PHF21A: variants seen among roughly 807,000 people sequenced by gnomAD.
The protein encoded by PHF21A is PHD finger protein 21A.
In PHF21A, 11 loss-of-function variants were observed where a neutral mutation model predicts 82.5. The ratio of observed to expected loss-of-function variants is 0.13; its 90% CI spans 0.08 to 0.22. The LOEUF is 0.22. Among genes scored for constraint, PHF21A ranks in the 10% least tolerant of loss-of-function variants. The pLI is 1.00. For missense variants in PHF21A, 579 were observed against 837.8 expected (o/e 0.69, Z 3.81); for synonymous variants, 297 against 302.8 (o/e 0.98, Z 0.20).
chr11:46,001,024 T>C (rs990967222), intron 6 of PHF21A, among the ~76,000 whole-genome samples: 3 of 152,146 alleles, frequency 2.0e-5, no homozygotes, highest in South Asian at 2.1e-4. Context: ...TCAAAACCTA[T>C]GTTAAAATAA....
intron 15 of PHF21A, among the ~76,000 whole-genome samples, chr11:45,942,258 G>T (rs747461992): frequency 2.1e-4 from 32 of 152,328 alleles, no homozygotes; most frequent in Non-Finnish European, 3.8e-4. Flanking sequence ...CTCTTAGTTT[G>T]TGAGTTGATG....
rs1162610736 is a variant in PHF21A, at chr11:45,931,460, C to T, written c.*2508G>A. ...CTGAATGAGAAAAGGGAACTCTTTC[C>T]CCCTCAGCCAATCAAGCAGCCAGGG... On this transcript the variant is annotated 3_prime_UTR_variant, in exon 19 of 19. Coordinates refer to ENST00000676320, the MANE Select transcript of PHF21A (RefSeq NM_001352027.3). 1 of 152,212 alleles carries T rather than the reference C, an allele frequency of 6.6e-6. No homozygotes were observed. The highest frequency in any genetic ancestry group is 1.5e-5 in the Non-Finnish European group (1 of 68,064). 9.4% of individuals were successfully genotyped at this position (152,212 alleles called of 1,614,324 possible). A position where few individuals can be genotyped will look rare whatever the true frequency, so the allele number is the denominator to read the frequency against.
At chr11:46,115,512 A>G (rs1022196322) in intron 1 of PHF21A, among the ~76,000 whole-genome samples, 2 of 152,210 alleles carry the variant, frequency 1.3e-5, no homozygotes, top group African/African-American at 4.8e-5. Flanking sequence ...CAATGTTAAC[A>G]TATTATCTCT....
chr11:46,025,158 T>C (rs1311753173), intron 6 of PHF21A, among the ~76,000 whole-genome samples: 3 of 151,586 alleles, frequency 2.0e-5, no homozygotes, highest in Non-Finnish European at 4.4e-5. Flanking sequence ...TGAAAGAAAA[T>C]AATTTTCTCT....
At chr11:45,986,638 C>T (rs916580548) in intron 6 of PHF21A, among the ~76,000 whole-genome samples, 1 of 152,190 alleles carries the variant, frequency 6.6e-6, no homozygotes, top group Admixed American at 6.5e-5. Flanking sequence ...AAGCACTAAA[C>T]TATACCGCCC....
At chr11:46,107,529 G>C (rs915051303) in intron 1 of PHF21A, among the ~76,000 whole-genome samples, 3 of 152,172 alleles carry the variant, frequency 2.0e-5, no homozygotes, top group African/African-American at 7.2e-5. Context: ...CATTCTACCA[G>C]GTCCAATTCT....
chr11:46,076,248 C>T (rs1463400399), intron 6 of PHF21A, among the ~76,000 whole-genome samples: 2 of 152,064 alleles, frequency 1.3e-5, no homozygotes, highest in African/African-American at 4.8e-5. Flanking sequence ...AACATTTCAC[C>T]GAAGTTTTTT....
intron 6 of PHF21A, among the ~76,000 whole-genome samples, chr11:45,980,489 C>T (rs1414120994): frequency 6.6e-6 from 1 of 152,174 alleles, no homozygotes; most frequent in Non-Finnish European, 1.5e-5. Context: ...GTGATTGGCA[C>T]ATTGTTGATC....
intron 10 of PHF21A, among the ~76,000 whole-genome samples, chr11:45,957,118 A>G (rs1476490402): frequency 2.6e-5 from 4 of 152,222 alleles, no homozygotes; most frequent in Non-Finnish European, 5.9e-5. Context: ...ACCAGACAAC[A>G]GAGCCCCAAA....
chr11:45,961,921 T>A (rs1038411795), intron 10 of PHF21A, among the ~76,000 whole-genome samples: 2 of 152,214 alleles, frequency 1.3e-5, no homozygotes, highest in African/African-American at 4.8e-5. Flanking sequence ...AGAGCCACAG[T>A]GTAACGTGGT....
At position 46,084,266 on chromosome 11, in the gene PHF21A, C is replaced by T. The variant is rs760337436; in HGVS notation, c.-47G>A. On this transcript the variant is annotated 5_prime_UTR_variant, in exon 4 of 19. Coordinates refer to ENST00000676320, the MANE Select transcript of PHF21A (RefSeq NM_001352027.3). Reference sequence around the variant, plus strand: ...CTGCTAATTCTATAGTTTCTTCAGCCTCTGTTTAAAGTAACAAACTCCTCT... The same window carrying T: ...CTGCTAATTCTATAGTTTCTTCAGCTTCTGTTTAAAGTAACAAACTCCTCT... 1 of 1,506,522 alleles carries T rather than the reference C, an allele frequency of 6.6e-7. No homozygotes were observed. The highest frequency in any genetic ancestry group is 1.9e-5 in the Admixed American group (1 of 52,248). The allele number at this position is 1,506,522 out of a possible 1,614,324, so 93.3% of individuals were successfully genotyped here. A position where few individuals can be genotyped will look rare whatever the true frequency, so the allele number is the denominator to read the frequency against.
intron 9 of PHF21A, among the ~76,000 whole-genome samples, chr11:45,966,899 G>A (rs562101166): frequency 1.2e-4 from 18 of 151,378 alleles, no homozygotes; most frequent in African/African-American, 4.1e-4. Context: ...TTACAGATGT[G>A]AGCCACTGCA....
chr11:46,061,339 T>C (rs1244649677), intron 6 of PHF21A, among the ~76,000 whole-genome samples: 1 of 152,208 alleles, frequency 6.6e-6, no homozygotes, highest in Non-Finnish European at 1.5e-5. Context: ...TCTCTAGTTC[T>C]GTGAAGAACC....
intron 1 of PHF21A, among the ~76,000 whole-genome samples, chr11:46,109,696 A>G (rs942466615): frequency 2.0e-5 from 3 of 152,170 alleles, no homozygotes; most frequent in African/African-American, 7.2e-5. Context: ...GAATTTGTCT[A>G]TTGGGCCAGG....
intron 7 of PHF21A, among the ~76,000 whole-genome samples, chr11:45,978,346 GTAATAA>G (rs3061877): frequency 1.3e-5 from 2 of 151,590 alleles, no homozygotes; most frequent in African/African-American, 2.4e-5. Context: ...AACAGAGATG[GTAATAA>G]TAATAACTTC....
chr11:45,935,682 C>T lies in PHF21A; in HGVS notation c.1742G>A (p.Arg581Gln), dbSNP rs765834713. The change falls in exon 18 of 19, where the codon CGA (arginine) becomes CAA (glutamine). Residue 581 changes from arginine (R) to glutamine (Q), a missense_variant. Physicochemically the swap from Arg to Gln is conservative, Grantham distance 43. Coordinates refer to ENST00000676320, the MANE Select transcript of PHF21A (RefSeq NM_001352027.3). ...TTTCACCTTTTGCTCTAGTTGTTCT[C>T]GTTCTTGTTTTAAATCTGAACTCCA... ...LKWSSDLKQE[R>Q]EQLEQKVKQL... The T allele has an allele frequency of 6.5e-6, 10 of 1,530,762 alleles. No homozygotes were observed. Among genetic ancestry groups the T allele is most frequent in the Admixed American group, 1.7e-5 (1 of 57,662 alleles). The allele number at this position is 1,530,762 out of a possible 1,614,324, so 94.8% of individuals were successfully genotyped here. A position where few individuals can be genotyped will look rare whatever the true frequency, so the allele number is the denominator to read the frequency against.
At chr11:45,971,076 T>C (rs1401845217) in intron 8 of PHF21A, 40 bp downstream of exon 8, 1 of 1,609,388 alleles carries the variant, frequency 6.2e-7, no homozygotes. Context: ...TATCCTAACC[T>C]TCTCATGTGA....
intron 15 of PHF21A, among the ~76,000 whole-genome samples, chr11:45,939,695 C>A (rs1326204698): frequency 6.9e-6 from 1 of 144,026 alleles, no homozygotes; most frequent in Non-Finnish European, 1.5e-5. Flanking sequence ...TCAGGTAAGT[C>A]TGCTGGAGCC....
At chr11:46,084,400 A>C (rs2096830702) in intron 3 of PHF21A, 98 bp from the exon 4 acceptor site, 2 of 458,828 alleles carry the variant, frequency 4.4e-6, no homozygotes, top group African/African-American at 4.1e-5. Flanking sequence ...CTGATTCTCT[A>C]ACGCAGGGCA....
Sources: gnomAD v4.1 joint callset for allele counts (sites outside exome capture counted in the v4.1 genomes callset) on GRCh38, gnomAD v4.1.1 for gene constraint, MANE v1.5 for transcripts, NCBI Gene and HGNC (gene_info 2026-07-23, HGNC 2026-07-21) for gene names.